The following PIWIL4 variants were observed in gnomAD, a reference collection of about 807,000 sequenced individuals.
PIWIL4 encodes piwi like RNA-mediated gene silencing 4, also known as piwi-like protein 4.
In PIWIL4, 50 loss-of-function variants were observed where a neutral mutation model predicts 100.9. That is an observed-to-expected ratio of 0.50 (90% CI 0.39 to 0.63). The LOEUF (loss-of-function observed/expected upper bound fraction) is 0.63. PIWIL4 is among the 20% of genes least tolerant of loss of function. The probability of loss-of-function intolerance (pLI) is 0.00; values close to 1 mark genes in which losing one functional copy is unlikely to be tolerated. For missense variants in PIWIL4, 887 were observed against 1,043.3 expected (o/e 0.85, Z 2.06); for synonymous variants, 342 against 367.5 (o/e 0.93, Z 0.79).
intron 17 of PIWIL4, among the ~76,000 whole-genome samples, chr11:94,619,201 G>C (rs1448573063): frequency 1.3e-5 from 2 of 152,182 alleles, no homozygotes; most frequent in African/African-American, 4.8e-5. Flanking sequence ...TGTAATGACA[G>C]ATATTAGGAT....
intron 2 of PIWIL4, among the ~76,000 whole-genome samples, chr11:94,571,048 C>A (rs1051718944): frequency 1.3e-5 from 2 of 152,162 alleles, no homozygotes; most frequent in African/African-American, 2.4e-5. Flanking sequence ...CTGGTCCCCC[C>A]ACCCATCTCA....
At chr11:94,576,187 T>C (rs184903750) in intron 3 of PIWIL4, among the ~76,000 whole-genome samples, 1 of 152,252 alleles carries the variant, frequency 6.6e-6, no homozygotes, top group East Asian at 1.9e-4. Flanking sequence ...CAGGCTGGAG[T>C]GTAATGGTGC....
chr11:94,567,388 G>T lies in PIWIL4; in HGVS notation c.-131G>T. ...CGGACGCATTTCCAGCCCCGGCGTT[G>T]GTTGTGGATGCTGGACATCCACCGC... On this transcript the variant is annotated 5_prime_UTR_variant, in exon 1 of 20. Transcript: ENST00000299001. 2 of 794,496 alleles carry T rather than the reference G, an allele frequency of 2.5e-6. No homozygotes were observed. The highest frequency in any genetic ancestry group is 3.7e-6 in the Non-Finnish European group (2 of 536,584). 49.2% of individuals were successfully genotyped at this position (794,496 alleles called of 1,614,324 possible). A position where few individuals can be genotyped will look rare whatever the true frequency, so the allele number is the denominator to read the frequency against.
intron 8 of PIWIL4, among the ~76,000 whole-genome samples, chr11:94,591,174 CTCTT>C (rs368308498): frequency 5.3e-5 from 8 of 152,294 alleles, no homozygotes; most frequent in African/African-American, 9.6e-5. Flanking sequence ...GTTTGGCCCC[CTCTT>C]TCTTTCTTAT....
chr11:94,615,811 G>A (rs1374993655), intron 15 of PIWIL4, among the ~76,000 whole-genome samples: 1 of 152,060 alleles, frequency 6.6e-6, no homozygotes, highest in African/African-American at 2.4e-5. Context: ...CTGTATTACT[G>A]TTGTTGCATA....
intron 2 of PIWIL4, among the ~76,000 whole-genome samples, chr11:94,573,606 T>G (rs1386330146): frequency 6.6e-6 from 1 of 152,226 alleles, no homozygotes; most frequent in Non-Finnish European, 1.5e-5. Context: ...GATTTGCGTG[T>G]GTTGAACCAG....
At position 94,587,189 on chromosome 11, in the gene PIWIL4, T is replaced by A. The variant is rs1382788135; in HGVS notation, c.856T>A (p.Leu286Met). ...GACTGCTCTCTGTCAAAGAACTGGCTTGTCCTGTTTCACCCAGACGTGTGA... is the reference window on the plus strand; with the variant it reads ...GACTGCTCTCTGTCAAAGAACTGGCATGTCCTGTTTCACCCAGACGTGTGA... ...FMTALCQRTG[L>M]SCFTQTCEKQ... The change falls in exon 7 of 20, where the codon TTG (leucine) becomes ATG (methionine). Residue 286 changes from leucine to methionine, a missense_variant. Leu to Met is a conservative substitution (Grantham distance 15). This residue lies in a region of PIWIL4 where 741 missense variants were observed against 930.0 expected (regional missense o/e 0.80). Transcript: ENST00000299001. The A allele has an allele frequency of 1.9e-6, 3 of 1,614,090 alleles. No individual in the cohort carries two copies. In the African/African-American group the frequency reaches 4.0e-5, roughly 22 times the overall value.
intron 16 of PIWIL4, among the ~76,000 whole-genome samples, chr11:94,617,150 T>C (rs1185769586): frequency 3.3e-5 from 5 of 152,228 alleles, no homozygotes; most frequent in Non-Finnish European, 5.9e-5. Context: ...TTTGGGAGTA[T>C]TGTAAATATT....
At chr11:94,585,377 G>A in intron 5 of PIWIL4, 68 bp from the exon 6 acceptor site, 2 of 1,084,240 alleles carry the variant, frequency 1.8e-6, no homozygotes. Flanking sequence ...GTTCAGTAAG[G>A]GTTTGAACTT....
chr11:94,581,896 T>C (rs1329982080), intron 4 of PIWIL4, among the ~76,000 whole-genome samples: 1 of 152,228 alleles, frequency 6.6e-6, no homozygotes, highest in Non-Finnish European at 1.5e-5. Context: ...TTCCACATCA[T>C]GTGCTCTTAA....
In PIWIL4 at chr11:94,594,827, C is replaced by T. The variant is rs115205266; in HGVS notation, c.1151-482C>T. Among the ~76,000 whole-genome samples, 581 of 152,198 alleles carry T rather than the reference C, an allele frequency of 3.8e-3. 4 individuals are homozygous for T. The highest frequency in any genetic ancestry group is 0.013 in the African/African-American group (552 of 41,528). On this transcript the variant is annotated intron_variant, in intron 9 of 19. Transcript: ENST00000299001. ...GATTACAGGCATGAGCCACAGCGCC[C>T]GGCCTAAGGGGTGCTCATTCTTAAT... is the stretch of plus-strand genomic sequence containing the variant.
intron 12 of PIWIL4, among the ~76,000 whole-genome samples, chr11:94,602,262 C>T (rs1435346443): frequency 6.6e-6 from 1 of 152,116 alleles, no homozygotes; most frequent in Non-Finnish European, 1.5e-5. Context: ...TTTAATAAGT[C>T]CATATATTGT....
At chr11:94,599,277 G>T (rs1948603172) in intron 11 of PIWIL4, among the ~76,000 whole-genome samples, 3 of 152,044 alleles carry the variant, frequency 2.0e-5, no homozygotes, top group Admixed American at 2.0e-4. Flanking sequence ...TTATGTATTT[G>T]TTTGCATTTT....
At chr11:94,603,469 C>T (rs1276451119) in intron 12 of PIWIL4, among the ~76,000 whole-genome samples, 6 of 152,200 alleles carry the variant, frequency 3.9e-5, no homozygotes, top group East Asian at 1.9e-4. Context: ...TAAGGCTAGA[C>T]ATTCCAGGCT....
chr11:94,607,671 A>C, intron 14 of PIWIL4, 32 bp downstream of exon 14: 1 of 1,557,786 alleles, frequency 6.4e-7, no homozygotes, highest in African/African-American at 1.4e-5. Context: ...TTCTATTAGT[A>C]ATTAATAAAT....
Position 94,576,370 on chromosome 11 carries a change from G to A in PIWIL4, c.299-908G>A, listed in dbSNP as rs746534624. ...GCTGGTCTCGAACTCCTGGCCTCAA[G>A]CAATCCACCCGCCTTGGCCTCCCAA... On this transcript the variant is annotated intron_variant, in intron 3 of 19. Coordinates refer to ENST00000299001, the MANE Select transcript of PIWIL4 (RefSeq NM_152431.3). 1.2e-3 allele frequency among the ~76,000 whole-genome samples: 187 copies of A among 152,168 alleles called. 13 individuals carry two copies.
chr11:94,609,018 G>A (rs2135294946), intron 15 of PIWIL4, among the ~76,000 whole-genome samples: 1 of 152,324 alleles, frequency 6.6e-6, no homozygotes, highest in South Asian at 2.1e-4. Context: ...CATATATCAT[G>A]TCGAGCAGTT....
intron 16 of PIWIL4, chr11:94,617,653 C>T (rs1447761469): frequency 2.5e-6 from 1 of 394,664 alleles, no homozygotes; most frequent in Non-Finnish European, 4.4e-6. Context: ...AGGCATTTGT[C>T]TATTGCATTA....
chr11:94,571,374 G>C (rs910582715), intron 2 of PIWIL4, among the ~76,000 whole-genome samples: 1 of 152,088 alleles, frequency 6.6e-6, no homozygotes, highest in Non-Finnish European at 1.5e-5. Context: ...CCATGTTGGT[G>C]TGCTGCACCC....
Sources: allele counts gnomAD v4.1 joint callset (sites outside exome capture counted in the v4.1 genomes callset), GRCh38; gene constraint gnomAD v4.1.1; regional missense constraint gnomAD v4.1.1; transcripts MANE v1.5; gene names NCBI Gene and HGNC (gene_info 2026-07-23, HGNC 2026-07-21).